NRXN1: variants seen among roughly 807,000 people sequenced by gnomAD.
NRXN1 encodes neurexin-1.
In NRXN1, 39 loss-of-function variants were observed where a neutral mutation model predicts 150.9. The ratio of observed to expected loss-of-function variants is 0.26; its 90% confidence interval spans 0.20 to 0.34. The LOEUF is 0.34. Among genes scored for constraint, NRXN1 ranks in the 10% least tolerant of loss-of-function variants. The pLI is 1.00. For synonymous variants in NRXN1, 924 were observed against 757.0 expected (o/e 1.22, Z -3.62); for missense variants, 1,815 against 1,949.9 (o/e 0.93, Z 1.30).
At chr2:50,236,142 C>T (rs1269759816) in intron 18 of NRXN1, among the ~76,000 whole-genome samples, 1 of 151,968 alleles carries the variant, frequency 6.6e-6, no homozygotes, top group Non-Finnish European at 1.5e-5. Context: ...TCTTTGCTAT[C>T]TATTATATGC....
intron 5 of NRXN1, among the ~76,000 whole-genome samples, chr2:50,778,346 A>G (rs1285985957): frequency 6.6e-6 from 1 of 152,228 alleles, no homozygotes; most frequent in Non-Finnish European, 1.5e-5. Context: ...TATGACAGAC[A>G]TTCAAATATA....
At chr2:50,688,632 G>A (rs1188061802) in intron 5 of NRXN1, among the ~76,000 whole-genome samples, 1 of 152,154 alleles carries the variant, frequency 6.6e-6, no homozygotes, top group African/African-American at 2.4e-5. Context: ...GAAAGCAATA[G>A]GAGATAGCAT....
At position 50,600,577 on chromosome 2, in the gene NRXN1, A is replaced by G. The variant is rs556051962; in HGVS notation, c.1320+19445T>C. Reference sequence around the variant, plus strand: ...TGACCTCAAGTGATCCACCTGCCTCAGCCTCCCAAAGTGCTGGGATTACAG... The same window carrying G: ...TGACCTCAAGTGATCCACCTGCCTCGGCCTCCCAAAGTGCTGGGATTACAG... On this transcript the variant is annotated intron_variant, in intron 8 of 22. Transcript: ENST00000401669. Among the ~76,000 whole-genome samples, 3 of 152,240 alleles carry G rather than the reference A, an allele frequency of 2.0e-5. No individual in the cohort carries two copies. In the East Asian group the frequency reaches 5.8e-4, roughly 29 times the overall value.
intron 5 of NRXN1, among the ~76,000 whole-genome samples, chr2:50,655,570 C>G (rs1021626122): frequency 4.0e-5 from 6 of 151,714 alleles, no homozygotes; most frequent in African/African-American, 1.5e-4. Context: ...AGCGCTGTGG[C>G]TTAGTTTAAG....
chr2:50,136,687 A>G (rs1706459522), intron 18 of NRXN1, among the ~76,000 whole-genome samples: 2 of 152,232 alleles, frequency 1.3e-5, no homozygotes, highest in Admixed American at 1.3e-4. Context: ...AATCAGGCAT[A>G]ACAGCCATGA....
At chr2:50,147,317 T>C (rs1447886610) in intron 18 of NRXN1, among the ~76,000 whole-genome samples, 1 of 151,768 alleles carries the variant, frequency 6.6e-6, no homozygotes, top group Non-Finnish European at 1.5e-5. Context: ...ATATGCATTA[T>C]CTTTATCTGT....
intron 18 of NRXN1, among the ~76,000 whole-genome samples, chr2:50,148,600 C>G (rs1300363795): frequency 2.0e-5 from 3 of 151,670 alleles, no homozygotes; most frequent in South Asian, 4.1e-4. Context: ...GAGGGCCAAT[C>G]AGATTTCTGA....
chr2:50,112,601 G>A (rs1358837598), intron 18 of NRXN1, among the ~76,000 whole-genome samples: 1 of 152,122 alleles, frequency 6.6e-6, no homozygotes, highest in Non-Finnish European at 1.5e-5. Context: ...TGAACTTTTA[G>A]ATGGAGATAG....
At chr2:50,259,610 T>C (rs1013509166) in intron 17 of NRXN1, among the ~76,000 whole-genome samples, 2 of 151,822 alleles carry the variant, frequency 1.3e-5, no homozygotes, top group Non-Finnish European at 2.9e-5. Context: ...CTCAAAGTTA[T>C]AAACACAATT....
intron 17 of NRXN1, among the ~76,000 whole-genome samples, chr2:50,381,028 C>T (rs1486519307): frequency 6.6e-6 from 1 of 152,070 alleles, no homozygotes; most frequent in African/African-American, 2.4e-5. Flanking sequence ...CTCTATTTAA[C>T]CCACTGGATA....
chr2:50,937,774 G>A (rs1388031556), intron 2 of NRXN1, among the ~76,000 whole-genome samples: 1 of 152,104 alleles, frequency 6.6e-6, no homozygotes, highest in Non-Finnish European at 1.5e-5. Flanking sequence ...TTAGTTGAGA[G>A]AAAATTAACT....
At chr2:50,303,360 A>G (rs1007378822) in intron 17 of NRXN1, among the ~76,000 whole-genome samples, 12 of 152,194 alleles carry the variant, frequency 7.9e-5, no homozygotes, top group Non-Finnish European at 1.0e-4. Context: ...TATGCTCTCA[A>G]TATCAAGACA....
At chr2:50,194,813 T>C (rs536708786) in intron 18 of NRXN1, among the ~76,000 whole-genome samples, 1 of 152,326 alleles carries the variant, frequency 6.6e-6, no homozygotes, top group African/African-American at 2.4e-5. Flanking sequence ...TGAACTGGTC[T>C]AATTTAAAGA....
At chr2:50,843,016 G>A (rs1673103302) in intron 5 of NRXN1, among the ~76,000 whole-genome samples, 1 of 152,116 alleles carries the variant, frequency 6.6e-6, no homozygotes, top group Admixed American at 6.5e-5. Flanking sequence ...GATGTCTGTG[G>A]GTAGTAAAGA....
intron 5 of NRXN1, among the ~76,000 whole-genome samples, chr2:50,724,195 G>C (rs1697027237): frequency 6.7e-6 from 1 of 149,452 alleles, no homozygotes; most frequent in South Asian, 2.2e-4. Flanking sequence ...GGTCTTAATA[G>C]TATCTGATCC....
Position 51,009,665 on chromosome 2 carries a change from T to A in NRXN1, c.772+17837A>T, listed in dbSNP as rs571851732. ...TTCTCAGATGTTTCTAGGATTTTCA[T>A]TAGCGAAAGGAGGCATTGAAAGAAT... On this transcript the variant is annotated intron_variant, in intron 2 of 22. Coordinates refer to ENST00000401669, the MANE Select transcript of NRXN1 (RefSeq NM_001330078.2). Among the ~76,000 whole-genome samples, 3 of 152,098 alleles carry A rather than the reference T, an allele frequency of 2.0e-5. No individual in the cohort carries two copies. The South Asian group carries it at 6.2e-4, about 32-fold the overall frequency.
At chr2:50,696,864 C>T (rs1158451508) in intron 5 of NRXN1, among the ~76,000 whole-genome samples, 1 of 152,306 alleles carries the variant, frequency 6.6e-6, no homozygotes. Context: ...CATGTAATCA[C>T]ATCATTTGAG....
rs746312506 is a variant in NRXN1, at chr2:50,177,803, CTCTCT to C, written c.3546+58981_3546+58985del. 6.2e-3 allele frequency among the ~76,000 whole-genome samples: 932 copies of C among 151,202 alleles called. 14 individuals are homozygous for C. The highest frequency in any genetic ancestry group is 0.022 in the African/African-American group (896 of 41,050). On this transcript the variant is annotated intron_variant, in intron 18 of 22. Coordinates refer to ENST00000401669, the MANE Select transcript of NRXN1 (RefSeq NM_001330078.2). Reference sequence around the variant, plus strand: ...TCTCTCTCTCTCTCTCTCTCTCTCTCTCTCTCTCCTCCTCTCCCTCCCTCCCTCCC... The same window carrying C: ...TCTCTCTCTCTCTCTCTCTCTCTCTCCTCCTCCTCTCCCTCCCTCCCTCCC...
chr2:50,999,703 G>A (rs770152983), intron 2 of NRXN1, among the ~76,000 whole-genome samples: 3 of 152,068 alleles, frequency 2.0e-5, no homozygotes, highest in South Asian at 4.1e-4. Context: ...AGTAACTCAG[G>A]TCAAACATTT....
Sources: gnomAD v4.1 joint callset for allele counts (sites outside exome capture counted in the v4.1 genomes callset) on GRCh38, gnomAD v4.1.1 for gene constraint, MANE v1.5 for transcripts, NCBI Gene and HGNC (gene_info 2026-07-23, HGNC 2026-07-21) for gene names.